SHISA9: variants seen among roughly 807,000 people sequenced by gnomAD.
SHISA9 encodes protein shisa-9.
In SHISA9, 13 loss-of-function variants were observed where a neutral mutation model predicts 38.0. The observed-to-expected ratio is 0.34, with a 90% CI of 0.22 to 0.54. The LOEUF (loss-of-function observed/expected upper bound fraction) is 0.54, where lower values mean the gene tolerates loss of function less well. SHISA9 is among the 20% of genes least tolerant of loss of function. SHISA9 has a pLI of 0.91. For missense variants in SHISA9, 538 were observed against 575.8 expected (o/e 0.93, Z 0.67); for synonymous variants, 275 against 242.0 (o/e 1.14, Z -1.27).
chr16:13,036,632 C>A (rs2073068152), intron 2 of SHISA9, among the ~76,000 whole-genome samples: 1 of 151,858 alleles, frequency 6.6e-6, no homozygotes, highest in Non-Finnish European at 1.5e-5. Context: ...GCCATAACTC[C>A]ATAAAGTTGA....
At position 13,094,396 on chromosome 16, in the gene SHISA9, C is replaced by T. The variant is rs73520645; in HGVS notation, c.692-108998C>T. 7.9e-5 allele frequency among the ~76,000 whole-genome samples: 12 copies of T among 152,042 alleles called. No individual in the cohort carries two copies. In the East Asian group the frequency reaches 9.7e-4, roughly 12 times the overall value. ...TCTGCTATTTTTGAGTTAAATGTTG[C>T]GGAAATTACCGAATTTGCATTTAAT... is the stretch of plus-strand genomic sequence containing the variant. On this transcript the variant is annotated intron_variant, in intron 2 of 4. Transcript: ENST00000558583.
At chr16:13,490,445 G>C in the SHISA9 span, among the ~76,000 whole-genome samples, 1 of 152,170 alleles carries the variant, frequency 6.6e-6, no homozygotes. Context: ...TGCACCTGTA[G>C]TCTCAGCTCC....
At position 12,960,894 on chromosome 16, in the gene SHISA9, G is replaced by C. The variant is rs528857568; in HGVS notation, c.691+44079G>C. ...GTGCCAAGCGCTTTATAGGCTTTGG[G>C]GACTCAGTGATGAATTAAAGTGAAC... On this transcript the variant is annotated intron_variant, in intron 2 of 4. Coordinates refer to ENST00000558583, the MANE Select transcript of SHISA9 (RefSeq NM_001145204.3). Among the ~76,000 whole-genome samples, 7 of 152,124 alleles carry C rather than the reference G, an allele frequency of 4.6e-5. No individual in the cohort carries two copies. In the South Asian group the frequency reaches 1.5e-3, roughly 32 times the overall value.
chr16:13,199,996 C>T (rs1309109380), intron 2 of SHISA9, among the ~76,000 whole-genome samples: 1 of 152,170 alleles, frequency 6.6e-6, no homozygotes, highest in African/African-American at 2.4e-5. Context: ...ATTAACATCT[C>T]CCGGAAGCAG....
chr16:13,324,470 T>A, the SHISA9 span, among the ~76,000 whole-genome samples: 1 of 152,110 alleles, frequency 6.6e-6, no homozygotes, highest in Admixed American at 6.5e-5. Context: ...AGCTCTAGAT[T>A]AAGGCAGAGT....
intron 2 of SHISA9, among the ~76,000 whole-genome samples, chr16:13,015,315 T>C (rs1249484446): frequency 2.6e-5 from 4 of 152,266 alleles, no homozygotes; most frequent in East Asian, 3.8e-4. Flanking sequence ...AGAAAAAGTT[T>C]ACTGACCTCT....
chr16:13,357,059 C>T, the SHISA9 span, among the ~76,000 whole-genome samples: 1,682 of 152,062 alleles, frequency 0.011, 22 homozygotes, highest in African/African-American at 0.038. Context: ...AGGAGGCAAA[C>T]CCACAGAAAA....
chr16:13,012,582 G>GTAC (rs1289603360), intron 2 of SHISA9, among the ~76,000 whole-genome samples: 1 of 152,098 alleles, frequency 6.6e-6, no homozygotes, highest in Non-Finnish European at 1.5e-5. Flanking sequence ...TGGTACCCTG[G>GTAC]TACTAAACAA....
chr16:13,416,100 A>G, the SHISA9 span, among the ~76,000 whole-genome samples: 3 of 152,168 alleles, frequency 2.0e-5, no homozygotes, highest in East Asian at 5.8e-4. Flanking sequence ...CTCATAACCT[A>G]TGCACCGTTC....
At chr16:13,523,559 G>A in the SHISA9 span, among the ~76,000 whole-genome samples, 10 of 152,218 alleles carry the variant, frequency 6.6e-5, no homozygotes, top group East Asian at 1.7e-3. Flanking sequence ...ACTTACAAAC[G>A]TTATGGAAAG....
the SHISA9 span, among the ~76,000 whole-genome samples, chr16:13,383,447 GGA>G: frequency 6.6e-6 from 1 of 152,176 alleles, no homozygotes; most frequent in Non-Finnish European, 1.5e-5. Context: ...TGCCATTTAT[GGA>G]GAGAGAAAGG....
chr16:13,369,874 C>T, the SHISA9 span, among the ~76,000 whole-genome samples: 3 of 151,874 alleles, frequency 2.0e-5, no homozygotes, highest in African/African-American at 7.3e-5. Flanking sequence ...TTCTCTGACC[C>T]CTCCGCAGAC....
chr16:12,934,116 G>T (rs1596537024), intron 2 of SHISA9, among the ~76,000 whole-genome samples: 2 of 152,148 alleles, frequency 1.3e-5, no homozygotes, highest in African/African-American at 4.8e-5. Flanking sequence ...TCATGCTTGT[G>T]GAAGTCCAGT....
chr16:13,219,191 A>G (rs1418991905), intron 4 of SHISA9, among the ~76,000 whole-genome samples: 3 of 152,224 alleles, frequency 2.0e-5, no homozygotes, highest in African/African-American at 7.2e-5. Context: ...CAAGATTGCA[A>G]TAAACATTTG....
the SHISA9 span, among the ~76,000 whole-genome samples, chr16:13,547,846 T>C: frequency 2.2e-5 from 3 of 139,168 alleles, no homozygotes; most frequent in Admixed American, 2.1e-4. Flanking sequence ...AAGACATTCT[T>C]CACAGAAATA....
the SHISA9 span, among the ~76,000 whole-genome samples, chr16:13,357,835 T>TTGAGCCAGGA: frequency 1.3e-5 from 2 of 151,634 alleles, no homozygotes; most frequent in African/African-American, 4.9e-5. Flanking sequence ...GGGGTGCTTT[T>TTGAGCCAGGA]TGAGCCAGGA....
chr16:13,437,744 C>G, the SHISA9 span, among the ~76,000 whole-genome samples: 3 of 152,208 alleles, frequency 2.0e-5, no homozygotes, highest in East Asian at 1.9e-4. Flanking sequence ...TGATCCTTGA[C>G]TCATGGGGAA....
chr16:12,909,153 T>C, intron 1 of SHISA9: 5 of 985,954 alleles, frequency 5.1e-6, no homozygotes, highest in Non-Finnish European at 6.0e-6. Context: ...TCTTAATTTA[T>C]TTTTCTTTGC....
At chr16:13,318,194 T>C in the SHISA9 span, among the ~76,000 whole-genome samples, 11 of 152,346 alleles carry the variant, frequency 7.2e-5, no homozygotes, top group African/African-American at 2.4e-4. Context: ...ACTATTGACA[T>C]TTTATCAATT....
Sources: gnomAD v4.1 joint callset for allele counts (sites outside exome capture counted in the v4.1 genomes callset) on GRCh38, gnomAD v4.1.1 for gene constraint, MANE v1.5 for transcripts, NCBI Gene and HGNC (gene_info 2026-07-23, HGNC 2026-07-21) for gene names.